Variants in SUSD1 observed in about 807,000 individuals in gnomAD.
SUSD1 encodes sushi domain containing 1.
SUSD1 carries 65 observed loss-of-function variants against 86.9 expected under a neutral mutation model. That is an observed-to-expected ratio of 0.75 (90% CI 0.61 to 0.92). The LOEUF (loss-of-function observed/expected upper bound fraction) is 0.92, where lower values mean the gene tolerates loss of function less well. Ranked by LOEUF, SUSD1 falls within the 40% of genes least tolerant of loss-of-function variation. The pLI is 0.00. For synonymous variants in SUSD1, 346 were observed against 350.0 expected, an observed-to-expected ratio of 0.99 and a Z score of 0.13; for missense variants, 850 against 929.7, an observed-to-expected ratio of 0.91 and a Z score of 1.11.
chr9:112,061,016 C>T (rs955865102), intron 13 of SUSD1, among the ~76,000 whole-genome samples: 4 of 152,132 alleles, frequency 2.6e-5, no homozygotes, highest in African/African-American at 9.7e-5. Context: ...ATACAAATTC[C>T]CCGACCTCAT....
chr9:112,057,439 CAGAAACCCCA>C (rs1828500731), intron 14 of SUSD1, among the ~76,000 whole-genome samples: 1 of 152,168 alleles, frequency 6.6e-6, no homozygotes, highest in Non-Finnish European at 1.5e-5. Flanking sequence ...AACTCCAAGT[CAGAAACCCCA>C]AGTAATTTTC....
chr9:112,143,891 C>A (rs1453131829), intron 3 of SUSD1, among the ~76,000 whole-genome samples: 1 of 152,110 alleles, frequency 6.6e-6, no homozygotes, highest in Non-Finnish European at 1.5e-5. Flanking sequence ...ATAACCATCA[C>A]CGGCTCCCTG....
chr9:112,095,682 G>T (rs574323748), intron 10 of SUSD1, among the ~76,000 whole-genome samples: 2 of 152,320 alleles, frequency 1.3e-5, no homozygotes, highest in Non-Finnish European at 2.9e-5. Flanking sequence ...AATAATAGGA[G>T]CCTGTGGAGT....
chr9:112,074,332 G>A (rs374666753), intron 12 of SUSD1, among the ~76,000 whole-genome samples: 92 of 152,288 alleles, frequency 6.0e-4, no homozygotes, highest in Middle Eastern at 3.4e-3. Context: ...AAGGGGATGC[G>A]TGCCGTGGGG....
intron 15 of SUSD1, among the ~76,000 whole-genome samples, chr9:112,047,047 A>G (rs767754206): frequency 1.3e-5 from 2 of 152,176 alleles, no homozygotes; most frequent in Non-Finnish European, 2.9e-5. Flanking sequence ...TCACACTGCT[A>G]TAAAGAACTA....
chr9:112,149,450 T>TC (rs1272957607), intron 2 of SUSD1, 51 bp from the exon 3 acceptor site: 1 of 1,595,810 alleles, frequency 6.3e-7, no homozygotes, highest in South Asian at 1.1e-5. Flanking sequence ...CACACCGACT[T>TC]CAACAGCCCA....
At position 112,058,532 on chromosome 9, in the gene SUSD1, T is replaced by C. The variant is rs780823193; in HGVS notation, c.2005A>G (p.Ile669Val). The C allele has an allele frequency of 1.2e-6, 2 of 1,614,168 alleles. No individual in the cohort carries two copies. The highest frequency in any genetic ancestry group is 1.1e-5 in the South Asian group (1 of 91,084). The change falls in exon 14 of 17, where the codon ATA becomes GTA. Residue 669 changes from isoleucine (I) to valine (V), a missense_variant. Physicochemically the swap from Ile to Val is conservative, Grantham distance 29. Transcript: ENST00000374270. ...TAGTACAGCCTGTCTCCTATAGGTA[T>C]CTCCATGGCATCATCTGGAACATCT... ...AKDVPDDAME[I>V]PIGDRLYYGE...
intron 8 of SUSD1, among the ~76,000 whole-genome samples, chr9:112,108,519 T>A (rs1830941635): frequency 6.6e-6 from 1 of 150,972 alleles, no homozygotes; most frequent in Admixed American, 6.6e-5. Context: ...GACTCACACC[T>A]ATAATCCCAG....
chr9:112,044,730 C>T (rs891708597), intron 15 of SUSD1, among the ~76,000 whole-genome samples: 6 of 152,140 alleles, frequency 3.9e-5, no homozygotes, highest in African/African-American at 9.6e-5. Flanking sequence ...GAATATTTAC[C>T]TAATATTAAA....
intron 6 of SUSD1, among the ~76,000 whole-genome samples, chr9:112,115,175 G>T (rs971797331): frequency 2.0e-5 from 3 of 152,156 alleles, no homozygotes; most frequent in Non-Finnish European, 2.9e-5. Flanking sequence ...TGCACCTTAG[G>T]TACCTGTAGG....
At position 112,051,766 on chromosome 9, in the gene SUSD1, T is replaced by A. The variant is rs1054672233; in HGVS notation, c.2149+633A>T. The stretch of plus-strand genomic sequence containing the variant: ...GCTACACAGCCGAATGGTAGTGGAC[T>A]GTTGTAGCTCTTGTATTGGCTTTTC... On this transcript the variant is annotated intron_variant, in intron 15 of 16. Coordinates refer to ENST00000374270, the MANE Select transcript of SUSD1 (RefSeq NM_022486.5). 2.5e-4 allele frequency among the ~76,000 whole-genome samples: 38 copies of A among 152,184 alleles called. 1 individual carries two copies. Among genetic ancestry groups the A allele is most frequent in the African/African-American group, 9.2e-4 (38 of 41,434 alleles).
chr9:112,114,337 G>C (rs149444847), intron 6 of SUSD1, among the ~76,000 whole-genome samples: 1 of 152,120 alleles, frequency 6.6e-6, no homozygotes, highest in Non-Finnish European at 1.5e-5. Flanking sequence ...ACAAAAATTA[G>C]CTGGGCATGG....
At chr9:112,165,100 T>A (rs1291222374) in intron 1 of SUSD1, among the ~76,000 whole-genome samples, 1 of 152,252 alleles carries the variant, frequency 6.6e-6, no homozygotes, top group East Asian at 1.9e-4. Flanking sequence ...TAGCAGAGGA[T>A]AAAGAGCCCC....
At chr9:112,064,563 G>A (rs192625616) in intron 12 of SUSD1, among the ~76,000 whole-genome samples, 7 of 152,334 alleles carry the variant, frequency 4.6e-5, no homozygotes, top group Admixed American at 3.3e-4. Context: ...AGGCGTGGGA[G>A]GAAGTTCAAG....
chr9:112,044,562 G>A (rs529842623), intron 15 of SUSD1, among the ~76,000 whole-genome samples: 1 of 152,266 alleles, frequency 6.6e-6, no homozygotes, highest in East Asian at 1.9e-4. Flanking sequence ...TCAGATCATT[G>A]GGGAAATGAT....
chr9:112,138,662 C>A (rs751459529), intron 5 of SUSD1, among the ~76,000 whole-genome samples: 6 of 152,068 alleles, frequency 3.9e-5, no homozygotes, highest in Non-Finnish European at 7.4e-5. Flanking sequence ...GCTGGCTAGG[C>A]TGGTCTCGAA....
intron 12 of SUSD1, among the ~76,000 whole-genome samples, chr9:112,070,341 T>C (rs1049046755): frequency 1.3e-5 from 2 of 152,140 alleles, no homozygotes; most frequent in South Asian, 4.1e-4. Flanking sequence ...ACTTTTTCTC[T>C]CCAATGTACA....
At chr9:112,054,250 A>T (rs890877574) in intron 14 of SUSD1, among the ~76,000 whole-genome samples, 7 of 152,178 alleles carry the variant, frequency 4.6e-5, no homozygotes, top group African/African-American at 1.7e-4. Context: ...TATGTCAAAT[A>T]ATAGTTAACA....
At chr9:112,164,692 C>A (rs1181602844) in intron 1 of SUSD1, among the ~76,000 whole-genome samples, 1 of 152,158 alleles carries the variant, frequency 6.6e-6, no homozygotes, top group South Asian at 2.1e-4. Context: ...TGCCTGTAAT[C>A]CCAGCACTTT....
Sources: allele counts gnomAD v4.1 joint callset (sites outside exome capture counted in the v4.1 genomes callset), GRCh38; gene constraint gnomAD v4.1.1; transcripts MANE v1.5; gene names NCBI Gene and HGNC (gene_info 2026-07-23, HGNC 2026-07-21).